RORC: variants seen among roughly 807,000 people sequenced by gnomAD.
RORC encodes the protein RAR related orphan receptor C, also known as nuclear receptor ROR-gamma.
Under a neutral mutation model 64.5 loss-of-function variants are expected in RORC, and 13 were observed. The ratio of observed to expected loss-of-function variants is 0.20; its 90% CI spans 0.13 to 0.32. The LOEUF is 0.32. Ranked by LOEUF, RORC falls within the 10% of genes least tolerant of loss-of-function variation. The pLI is 1.00. For synonymous variants in RORC, 277 were observed against 259.3 expected, an observed-to-expected ratio of 1.07 and a Z score of -0.65; for missense variants, 468 against 669.5, an observed-to-expected ratio of 0.70 and a Z score of 3.32.
intron 2 of RORC, among the ~76,000 whole-genome samples, chr1:151,826,686 G>A (rs1386816369): frequency 6.6e-6 from 1 of 152,160 alleles, no homozygotes; most frequent in Non-Finnish European, 1.5e-5. Context: ...ATTTCCTTAG[G>A]AGCCAAACTG....
At position 151,831,802 on chromosome 1, in the gene RORC, T is replaced by G; in HGVS notation, c.-38A>C. ...TTGGTGCCGTCCTGGCTGCCCTGGC[T>G]GCCCAGGAGGGCAGGGAGCAGGGCC... On this transcript the variant is annotated 5_prime_UTR_variant, in exon 1 of 11. Transcript: ENST00000318247. 6.2e-7 allele frequency: 1 copy of G among 1,600,176 alleles called. No homozygotes were observed. The highest frequency in any genetic ancestry group is 8.5e-7 in the Non-Finnish European group (1 of 1,177,540).
chr1:151,815,787 G>A (rs1004981628), intron 4 of RORC, among the ~76,000 whole-genome samples: 8 of 152,178 alleles, frequency 5.3e-5, no homozygotes, highest in Non-Finnish European at 7.4e-5. Flanking sequence ...GGGTCACCTC[G>A]CCTCTTTGGG....
At chr1:151,814,328 G>A (rs1572037187) in intron 6 of RORC, 1 of 455,042 alleles carries the variant, frequency 2.2e-6, no homozygotes, top group Non-Finnish European at 4.0e-6. Context: ...GGTAGAGGAG[G>A]TAGGATGAAG....
chr1:151,808,176 T>C (rs1915544), intron 10 of RORC, among the ~76,000 whole-genome samples: 62,650 of 152,112 alleles, frequency 0.41, 14,155 homozygotes, highest in Non-Finnish European at 0.52. Context: ...GCTCCTTGGC[T>C]GAGGTCTCTC....
intron 5 of RORC, 43 bp from the exon 6 acceptor site, chr1:151,814,738 C>T (rs1279834634): frequency 1.9e-6 from 3 of 1,585,404 alleles, no homozygotes; most frequent in East Asian, 2.3e-5. Flanking sequence ...TCAGCCAGCT[C>T]CTACGCCTAC....
intron 5 of RORC, 78 bp downstream of exon 5, chr1:151,814,835 C>T (rs540698108): frequency 3.5e-4 from 550 of 1,558,152 alleles, no homozygotes; most frequent in Non-Finnish European, 4.3e-4. Context: ...CCCTCAGGCG[C>T]ATGTTTGATT....
chr1:151,818,253 G>A (rs1651849325), intron 2 of RORC, among the ~76,000 whole-genome samples: 2 of 152,182 alleles, frequency 1.3e-5, no homozygotes, highest in Admixed American at 1.3e-4. Flanking sequence ...ATGTTTGAAG[G>A]TGTGCTTGTG....
chr1:151,808,312 A>G (rs1651392848), intron 10 of RORC, among the ~76,000 whole-genome samples: 1 of 152,232 alleles, frequency 6.6e-6, no homozygotes, highest in African/African-American at 2.4e-5. Context: ...TGCTGCCAGC[A>G]CTCAGCCAAA....
intron 2 of RORC, among the ~76,000 whole-genome samples, chr1:151,820,257 G>A (rs1274567422): frequency 6.6e-6 from 1 of 152,136 alleles, no homozygotes; most frequent in Non-Finnish European, 1.5e-5. Flanking sequence ...GGGAGAACGG[G>A]AAGGGGGCTG....
intron 2 of RORC, among the ~76,000 whole-genome samples, chr1:151,818,826 G>A (rs1419067460): frequency 4.6e-5 from 7 of 152,190 alleles, no homozygotes; most frequent in Admixed American, 4.6e-4. Context: ...CTGGACACTG[G>A]TCACATGTAG....
chr1:151,823,292 G>A (rs933600293), intron 2 of RORC, among the ~76,000 whole-genome samples: 1 of 152,036 alleles, frequency 6.6e-6, no homozygotes, highest in Non-Finnish European at 1.5e-5. Flanking sequence ...CACACCCCTC[G>A]GCCTCCCACC....
chr1:151,824,046 C>G (rs1057105020), intron 2 of RORC, among the ~76,000 whole-genome samples: 1 of 152,332 alleles, frequency 6.6e-6, no homozygotes, highest in East Asian at 1.9e-4. Flanking sequence ...CTGCATCTCT[C>G]CTTATTTCTT....
chr1:151,828,812 C>T (rs1652291822), intron 2 of RORC, among the ~76,000 whole-genome samples: 1 of 152,158 alleles, frequency 6.6e-6, no homozygotes, highest in African/African-American at 2.4e-5. Context: ...AACCCCGTCT[C>T]TACTAAAAAT....
intron 2 of RORC, among the ~76,000 whole-genome samples, chr1:151,818,313 T>A (rs1274942953): frequency 5.9e-5 from 9 of 152,200 alleles, no homozygotes; most frequent in Admixed American, 1.3e-4. Context: ...CTACGACATA[T>A]CTGGTTGCTC....
Position 151,814,680 on chromosome 1 carries a change from C to T in RORC, c.827G>A (p.Ser276Asn). The change falls in exon 6 of 11, where the codon AGC becomes AAC. Residue 276 changes from serine (S) to asparagine (N), a missense_variant. Coordinates refer to ENST00000318247, the MANE Select transcript of RORC (RefSeq NM_005060.4). ...TGTCTCCCTGTAGGACTTGCAGACG[C>T]TCTGCACCAGGTGCTCTGGGGCCGG... ...SLTEIEHLVQ[S>N]VCKSYRETCQ... 1.2e-6 allele frequency: 2 copies of T among 1,610,192 alleles called. No individual in the cohort carries two copies. Among genetic ancestry groups the T allele is most frequent in the South Asian group, 1.1e-5 (1 of 90,764 alleles).
Position 151,807,915 on chromosome 1 carries a change from C to T in RORC, c.1396-282G>A, listed in dbSNP as rs143067015. Among the ~76,000 whole-genome samples, 1 of 152,310 alleles carries T rather than the reference C, an allele frequency of 6.6e-6. No homozygotes were observed. Among genetic ancestry groups the T allele is most frequent in the East Asian group, 1.9e-4 (1 of 5,184 alleles). ...GAACCTTGTCAAAGACTCTAATGTGCACTTCCTGCTTTTATAAGAGTGATT... is the reference window on the plus strand; with the variant it reads ...GAACCTTGTCAAAGACTCTAATGTGTACTTCCTGCTTTTATAAGAGTGATT... On this transcript the variant is annotated intron_variant, in intron 10 of 10. Transcript: ENST00000318247. This position sits in a 1 kb window ranked among gnomAD's most constrained non-coding sequence, Gnocchi z 5.0.
chr1:151,828,478 G>A (rs1156361070), intron 2 of RORC, among the ~76,000 whole-genome samples: 1 of 152,196 alleles, frequency 6.6e-6, no homozygotes, highest in East Asian at 1.9e-4. Context: ...AGCGTCCACT[G>A]GGAAGTCCTC....
intron 1 of RORC, among the ~76,000 whole-genome samples, chr1:151,829,948 T>C (rs1174165762): frequency 6.6e-6 from 1 of 152,230 alleles, no homozygotes; most frequent in Non-Finnish European, 1.5e-5. Context: ...TGTAAAGCCC[T>C]GTGAAGGCAG....
In RORC at chr1:151,817,243, G is replaced by A. The variant is rs759669408; in HGVS notation, c.108C>T (p.Asp36=). Residue 36 remains aspartate, a synonymous_variant, in exon 3 of 11, where the codon GAC becomes GAT. Coordinates refer to ENST00000318247, the MANE Select transcript of RORC (RefSeq NM_005060.4). Reference sequence around the variant, plus strand: ...CCCCGTAGTGGATCCCAGACGACTTGTCCCCACAGATTTTGCAAGGGATCA... The same window carrying A: ...CCCCGTAGTGGATCCCAGACGACTTATCCCCACAGATTTTGCAAGGGATCA... The part of the protein sequence containing the change: ...IEVIPCKICG[D]KSSGIHYGVI... The A allele has an allele frequency of 6.2e-7, 1 of 1,614,102 alleles. No homozygotes were observed. The highest frequency in any genetic ancestry group is 8.5e-7 in the Non-Finnish European group (1 of 1,179,978).
Sources: allele counts gnomAD v4.1 joint callset (sites outside exome capture counted in the v4.1 genomes callset), GRCh38; gene constraint gnomAD v4.1.1; non-coding constraint Gnocchi (gnomAD v3.1); transcripts MANE v1.5; gene names NCBI Gene and HGNC (gene_info 2026-07-23, HGNC 2026-07-21).